OSBPL5: variants seen among roughly 807,000 people sequenced by gnomAD.
OSBPL5 encodes oxysterol-binding protein-related protein 5.
A neutral mutation model predicts 111.2 loss-of-function variants in OSBPL5; 71 were observed. The observed-to-expected ratio is 0.64, with a 90% CI of 0.53 to 0.78. OSBPL5 has a LOEUF of 0.78. Ranked by LOEUF, OSBPL5 falls within the 30% of genes least tolerant of loss-of-function variation. The pLI is 0.00. For synonymous variants in OSBPL5, 549 were observed against 513.9 expected (o/e 1.07, Z -0.93); for missense variants, 1,210 against 1,189.3 (o/e 1.02, Z -0.26).
At chr11:3,112,249 AT>A (rs1290376036) in intron 7 of OSBPL5, among the ~76,000 whole-genome samples, 2 of 151,908 alleles carry the variant, frequency 1.3e-5, no homozygotes, top group Non-Finnish European at 2.9e-5. Flanking sequence ...CTGTTTCTTG[AT>A]TTACTTCTGC....
In OSBPL5 at chr11:3,088,339, G is replaced by A; in HGVS notation, c.2506C>T (p.Leu836Phe). Residue 836 changes from leucine to phenylalanine, a missense_variant, in exon 22 of 22, where the codon CTC (leucine) becomes TTC (phenylalanine). Coordinates refer to ENST00000263650, the MANE Select transcript of OSBPL5 (RefSeq NM_020896.4). ...GCCGTGGAGCTCAGCATGGCCGAGA[G>A]GTGCCTGCAAGGACAGGCGACAGAT... Reference protein sequence around the residue: ...REAQQELHRHLSAMLSSTARA... With the variant: ...REAQQELHRHFSAMLSSTARA... 1 of 1,570,320 alleles carries A rather than the reference G, an allele frequency of 6.4e-7. No individual in the cohort carries two copies. The highest frequency in any genetic ancestry group is 8.6e-7 in the Non-Finnish European group (1 of 1,160,936).
intron 14 of OSBPL5, 104 bp downstream of exon 14, chr11:3,100,054 G>T (rs1411089279): frequency 2.1e-5 from 19 of 913,414 alleles, no homozygotes; most frequent in Non-Finnish European, 3.0e-5. Flanking sequence ...GGCAGATGAA[G>T]GCGAAGTAAA....
chr11:3,119,989 T>C (rs2134453552), intron 6 of OSBPL5: 1 of 415,516 alleles, frequency 2.4e-6, no homozygotes, highest in African/African-American at 2.0e-5. Flanking sequence ...CATACATGAC[T>C]GGGGTCATAC....
intron 3 of OSBPL5, among the ~76,000 whole-genome samples, chr11:3,123,663 C>A (rs1364954135): frequency 2.6e-5 from 4 of 152,238 alleles, no homozygotes; most frequent in Non-Finnish European, 5.9e-5. Flanking sequence ...CAGGCCTTCT[C>A]CTGGCTAGAA....
At chr11:3,156,803 C>T (rs1846773494) in intron 1 of OSBPL5, among the ~76,000 whole-genome samples, 2 of 152,234 alleles carry the variant, frequency 1.3e-5, no homozygotes, top group Admixed American at 6.5e-5. Context: ...CCGGCACCCA[C>T]GGTGAGCTGG....
chr11:3,089,474 C>A (rs745505160), intron 21 of OSBPL5, among the ~76,000 whole-genome samples: 1 of 152,190 alleles, frequency 6.6e-6, no homozygotes, highest in Non-Finnish European at 1.5e-5. Flanking sequence ...AGCCACTGTG[C>A]GCAGGTATGG....
Position 3,161,054 on chromosome 11 carries a change from A to G in OSBPL5, c.-22+4162T>C, listed in dbSNP as rs914554320. 6.6e-6 allele frequency: 1 copy of G among 152,186 alleles called. No individual in the cohort carries two copies. The highest frequency in any genetic ancestry group is 2.4e-5 in the African/African-American group (1 of 41,454). 9.4% of individuals were successfully genotyped at this position (152,186 alleles called of 1,614,324 possible). On this transcript the variant is annotated intron_variant, in intron 1 of 21. Transcript: ENST00000263650. This position sits in a 1 kb window ranked among gnomAD's most constrained non-coding sequence, Gnocchi z 8.0. ...CCTTGGATGAAGGGAAGGCGACCCC[A>G]GGCTGGTCACAACAGGCAGCCTGAC...
In OSBPL5 at chr11:3,118,768, G is replaced by A. The variant is rs143957618; in HGVS notation, c.691+779C>T. 6.3e-4 allele frequency among the ~76,000 whole-genome samples: 96 copies of A among 151,882 alleles called. No individual in the cohort carries two copies. The East Asian group carries it at 0.011, about 17-fold the overall frequency. On this transcript the variant is annotated intron_variant, in intron 7 of 21. Transcript: ENST00000263650. ...GTATTTTTAGTAGAGACAGGGTTTC[G>A]CCATGTTGATCAGGCTGGTCAAACT...
intron 7 of OSBPL5, among the ~76,000 whole-genome samples, chr11:3,108,160 C>G (rs1269916983): frequency 6.6e-6 from 1 of 152,112 alleles, no homozygotes; most frequent in African/African-American, 2.4e-5. Flanking sequence ...ATCGGGAACC[C>G]CTGAGGATTG....
chr11:3,096,213 A>G (rs1477969844), intron 14 of OSBPL5, among the ~76,000 whole-genome samples: 2 of 152,256 alleles, frequency 1.3e-5, no homozygotes, highest in Non-Finnish European at 2.9e-5. Flanking sequence ...GTGGGGGATC[A>G]AGACACAGGC....
intron 14 of OSBPL5, among the ~76,000 whole-genome samples, chr11:3,099,676 C>A (rs930423080): frequency 3.9e-5 from 6 of 152,178 alleles, no homozygotes; most frequent in Non-Finnish European, 7.3e-5. Context: ...AGGCTGACAG[C>A]TGATCATCCC....
intron 11 of OSBPL5, among the ~76,000 whole-genome samples, chr11:3,102,970 G>T (rs1052314599): frequency 1.3e-5 from 2 of 152,150 alleles, no homozygotes; most frequent in East Asian, 1.9e-4. Context: ...TGTTTTCTTG[G>T]GGGGTGGGGA....
Position 3,106,450 on chromosome 11 carries a change from A to G in OSBPL5, c.1059+813T>C, listed in dbSNP as rs1438233576. ...CCAGAGCCCGGCTTCCTCAGCCTGC[A>G]CCCGTCACCCAGCGGAAGCTTAGAT... is the stretch of plus-strand genomic sequence containing the variant. On this transcript the variant is annotated intron_variant, in intron 9 of 21. Transcript: ENST00000263650. The surrounding 1 kb of genome is among the most constrained non-coding windows in gnomAD (Gnocchi z 8.4). Among the ~76,000 whole-genome samples, 3 of 147,716 alleles carry G rather than the reference A, an allele frequency of 2.0e-5. No individual in the cohort carries two copies. The highest frequency in any genetic ancestry group is 4.5e-5 in the Non-Finnish European group (3 of 66,908).
At chr11:3,089,783 C>T in intron 21 of OSBPL5, 63 bp downstream of exon 21, 6 of 1,479,432 alleles carry the variant, frequency 4.1e-6, no homozygotes, top group Non-Finnish European at 5.5e-6. Flanking sequence ...CCCGCCCTAG[C>T]TCTACCAGGT....
intron 1 of OSBPL5, among the ~76,000 whole-genome samples, chr11:3,145,933 C>T (rs1213373572): frequency 6.6e-6 from 1 of 152,192 alleles, no homozygotes; most frequent in Admixed American, 6.5e-5. Flanking sequence ...TACAGGGACA[C>T]TGGTACATCC....
rs1847007828 is a variant in OSBPL5 at position 3,162,894 on chromosome 11, C to G, written c.-22+2322G>C. ...GGCCAGTGGCCCTCACTTGTACCCCCCAACATCTACCCCCCAGCACACTGG... is the reference window on the plus strand; with the variant it reads ...GGCCAGTGGCCCTCACTTGTACCCCGCAACATCTACCCCCCAGCACACTGG... On this transcript the variant is annotated intron_variant, in intron 1 of 21. Coordinates refer to ENST00000263650, the MANE Select transcript of OSBPL5 (RefSeq NM_020896.4). The surrounding 1 kb of genome is among the most constrained non-coding windows in gnomAD (Gnocchi z 8.1). Among the ~76,000 whole-genome samples, 1 of 152,106 alleles carries G rather than the reference C, an allele frequency of 6.6e-6. No individual in the cohort carries two copies. Among genetic ancestry groups the G allele is most frequent in the African/African-American group, 2.4e-5 (1 of 41,438 alleles).
intron 3 of OSBPL5, among the ~76,000 whole-genome samples, chr11:3,125,539 A>G (rs113076175): frequency 0.021 from 3,240 of 152,174 alleles, 46 homozygotes; most frequent in Non-Finnish European, 0.03. Context: ...AAAAGAACAA[A>G]TCACGCCTGT....
chr11:3,101,309 C>T (rs1332618037), intron 13 of OSBPL5, among the ~76,000 whole-genome samples: 2 of 152,210 alleles, frequency 1.3e-5, no homozygotes, highest in East Asian at 1.9e-4. Context: ...TTCAAATAGT[C>T]ATGCAGTGCT....
intron 7 of OSBPL5, among the ~76,000 whole-genome samples, chr11:3,112,115 G>C (rs1175454480): frequency 6.7e-6 from 1 of 149,514 alleles, no homozygotes; most frequent in Non-Finnish European, 1.5e-5. Context: ...GTGTGTGCAT[G>C]TGTGTGTGTG....
Sources: allele counts gnomAD v4.1 joint callset (sites outside exome capture counted in the v4.1 genomes callset), GRCh38; gene constraint gnomAD v4.1.1; non-coding constraint Gnocchi (gnomAD v3.1); transcripts MANE v1.5; gene names NCBI Gene and HGNC (gene_info 2026-07-23, HGNC 2026-07-21).